Variants in TMEM9 observed in about 807,000 individuals in gnomAD.
The protein encoded by TMEM9 is transmembrane protein 9, also known as proton-transporting V-type ATPase complex assembly regulator TMEM9.
Under a neutral mutation model 22.8 loss-of-function variants are expected in TMEM9, and 13 were observed. That is an observed-to-expected ratio of 0.57 (90% CI 0.37 to 0.91). The LOEUF (loss-of-function observed/expected upper bound fraction) is 0.91, where lower values mean the gene tolerates loss of function less well. Ranked by LOEUF, TMEM9 falls within the 40% of genes least tolerant of loss-of-function variation. The probability of loss-of-function intolerance (pLI) is 0.01; values close to 1 mark genes in which losing one functional copy is unlikely to be tolerated. For synonymous variants in TMEM9, 88 were observed against 93.0 expected (o/e 0.95, Z 0.31); for missense variants, 182 against 238.1 (o/e 0.76, Z 1.55).
chr1:201,153,702 G>A, intron 1 of TMEM9, 156 bp downstream of exon 1: 1 of 1,536,808 alleles, frequency 6.5e-7, no homozygotes, highest in Middle Eastern at 1.7e-4. Context: ...GAGGCCAGCA[G>A]CCTTGAACCT....
chr1:201,166,281 C>T (rs894966509), intron 1 of TMEM9, among the ~76,000 whole-genome samples: 1 of 151,944 alleles, frequency 6.6e-6, no homozygotes, highest in Non-Finnish European at 1.5e-5. Context: ...GTTAGTTGGT[C>T]ACTACCCACG....
chr1:201,135,851 G>C, intron 4 of TMEM9, 36 bp from the exon 5 acceptor site: 8 of 1,547,792 alleles, frequency 5.2e-6, no homozygotes, highest in Non-Finnish European at 7.0e-6. Context: ...GATCTGGCAC[G>C]GTAAGCCAGA....
intron 1 of TMEM9, among the ~76,000 whole-genome samples, chr1:201,163,198 G>A (rs61030164): frequency 0.18 from 26,889 of 152,028 alleles, 2,561 homozygotes; most frequent in East Asian, 0.27. Context: ...GAGATGGGAC[G>A]ATCACCTGAG....
At chr1:201,141,982 T>C in intron 4 of TMEM9, among the ~76,000 whole-genome samples, 1 of 152,198 alleles carries the variant, frequency 6.6e-6, no homozygotes, top group East Asian at 1.9e-4. Context: ...GGACTGCAAT[T>C]ACCACATTAC....
chr1:201,148,956 C>T (rs528839141), intron 2 of TMEM9, among the ~76,000 whole-genome samples: 53 of 152,266 alleles, frequency 3.5e-4, no homozygotes, highest in Non-Finnish European at 7.5e-4. Flanking sequence ...GCAATGCCAT[C>T]TTCCCTTCTC....
intron 4 of TMEM9, among the ~76,000 whole-genome samples, chr1:201,138,900 A>G (rs943980402): frequency 2.0e-5 from 3 of 152,326 alleles, no homozygotes; most frequent in African/African-American, 7.2e-5. Context: ...GGTTTCTCCT[A>G]AGAGGGAGCC....
At chr1:201,146,632 G>T in intron 3 of TMEM9, 108 bp downstream of exon 3, 1 of 1,188,794 alleles carries the variant, frequency 8.4e-7, no homozygotes, top group Non-Finnish European at 1.3e-6. Context: ...CAGTCTCATA[G>T]CCATTGGGAC....
In TMEM9 at chr1:201,153,905, C is replaced by G; in HGVS notation, c.19G>C (p.Val7Leu). 6.2e-7 allele frequency: 1 copy of G among 1,613,620 alleles called. No individual in the cohort carries two copies. Among genetic ancestry groups the G allele is most frequent in the Non-Finnish European group, 8.5e-7 (1 of 1,179,770 alleles). ...ACCAGCAAACACCCGACCACAGCCACCAAAGATAAGAGCTTCATGCTTATC... is the reference window on the plus strand; with the variant it reads ...ACCAGCAAACACCCGACCACAGCCAGCAAAGATAAGAGCTTCATGCTTATC... MKLLSL[V>L]AVVGCLLVPP... The change falls in exon 1 of 5, where the codon GTG becomes CTG. Residue 7 changes from valine (V) to leucine (L), a missense_variant. Physicochemically the swap from Val to Leu is conservative, Grantham distance 32 (BLOSUM62 1). Coordinates refer to ENST00000367330, the MANE Select transcript of TMEM9 (RefSeq NM_001288565.2).
At chr1:201,153,220 A>C (rs1342812074) in intron 1 of TMEM9, among the ~76,000 whole-genome samples, 2 of 152,246 alleles carry the variant, frequency 1.3e-5, no homozygotes, top group South Asian at 4.1e-4. Context: ...TTTACCGTTA[A>C]GAACTTATGT....
intron 4 of TMEM9, among the ~76,000 whole-genome samples, chr1:201,143,139 G>A (rs1664673435): frequency 6.6e-6 from 1 of 152,232 alleles, no homozygotes; most frequent in Admixed American, 6.5e-5. Context: ...GGCCTTGCAG[G>A]CTGTCTGGGG....
At chr1:201,140,148 C>A (rs1664393952) in intron 4 of TMEM9, among the ~76,000 whole-genome samples, 1 of 152,230 alleles carries the variant, frequency 6.6e-6, no homozygotes, top group Non-Finnish European at 1.5e-5. Flanking sequence ...CAGTTCCCAT[C>A]ATCATCATCA....
chr1:201,139,894 G>C (rs946536123), intron 4 of TMEM9, among the ~76,000 whole-genome samples: 2 of 152,218 alleles, frequency 1.3e-5, no homozygotes, highest in Admixed American at 6.5e-5. Flanking sequence ...CCAGGACTGT[G>C]ATTAACCACA....
chr1:201,147,123 C>T (rs763489602), intron 2 of TMEM9, among the ~76,000 whole-genome samples: 8 of 152,168 alleles, frequency 5.3e-5, no homozygotes, highest in Non-Finnish European at 1.2e-4. Context: ...GGGTTCTACC[C>T]CCAGCCGCCT....
At chr1:201,162,530 A>G (rs938795032) in intron 1 of TMEM9, among the ~76,000 whole-genome samples, 2 of 143,844 alleles carry the variant, frequency 1.4e-5, no homozygotes, top group African/African-American at 2.5e-5. Context: ...CTGGACATAC[A>G]TAGGGAAAAA....
intron 4 of TMEM9, among the ~76,000 whole-genome samples, chr1:201,143,510 T>C (rs1664703621): frequency 6.6e-6 from 1 of 152,128 alleles, no homozygotes; most frequent in Admixed American, 6.5e-5. Flanking sequence ...ACACGGGGGA[T>C]ATCATGTGTA....
chr1:201,154,218 C>T lies in TMEM9; in HGVS notation c.-295G>A. 3.1e-6 allele frequency: 1 copy of T among 321,722 alleles called. No individual in the cohort carries two copies. Among genetic ancestry groups the T allele is most frequent in the South Asian group, 4.5e-5 (1 of 22,130 alleles). The allele number at this position is 321,722 out of a possible 1,614,324, so 19.9% of individuals were successfully genotyped here. ...GGGCCTCCAGTTCCTTCTCAAGGCC[C>T]GGCTCTGACCCGCGCATCACGTCCC... On this transcript the variant is annotated 5_prime_UTR_variant, in exon 1 of 5. Coordinates refer to ENST00000367330, the MANE Select transcript of TMEM9 (RefSeq NM_001288565.2).
intron 4 of TMEM9, among the ~76,000 whole-genome samples, chr1:201,137,044 A>C (rs1664058791): frequency 6.6e-6 from 1 of 152,188 alleles, no homozygotes. Context: ...TGAGGACTTC[A>C]TCTTGTGAGT....
At chr1:201,144,136 C>A in intron 3 of TMEM9, 185 bp from the exon 4 acceptor site, 1 of 595,894 alleles carries the variant, frequency 1.7e-6, no homozygotes, top group South Asian at 1.9e-5. Context: ...GGGCCCTACT[C>A]CACAGAGGAA....
intron 4 of TMEM9, among the ~76,000 whole-genome samples, chr1:201,137,567 T>G (rs1041412863): frequency 6.6e-6 from 1 of 152,168 alleles, no homozygotes; most frequent in Non-Finnish European, 1.5e-5. Flanking sequence ...CATTCTGATA[T>G]TCTTTGCTCT....
Sources: gnomAD v4.1 joint callset for allele counts (sites outside exome capture counted in the v4.1 genomes callset) on GRCh38, gnomAD v4.1.1 for gene constraint, MANE v1.5 for transcripts, NCBI Gene and HGNC (gene_info 2026-07-23, HGNC 2026-07-21) for gene names.